ZNF541: variants seen among roughly 807,000 people sequenced by gnomAD.
ZNF541 encodes the protein zinc finger protein 541.
A neutral mutation model predicts 123.5 loss-of-function variants in ZNF541; 23 were observed. That is an observed-to-expected ratio of 0.19 (90% CI 0.13 to 0.26). The LOEUF (loss-of-function observed/expected upper bound fraction) is 0.26. Ranked by LOEUF, ZNF541 falls within the 10% of genes least tolerant of loss-of-function variation. ZNF541 has a pLI of 1.00. For missense variants in ZNF541, 1,612 were observed against 1,789.9 expected (o/e 0.90, Z 1.79); for synonymous variants, 751 against 754.5 (o/e 1.00, Z 0.08).
chr19:47,569,898 A>G (rs1393357790), intron 2 of ZNF541, among the ~76,000 whole-genome samples: 1 of 151,604 alleles, frequency 6.6e-6, no homozygotes, highest in African/African-American at 2.4e-5. Context: ...AGGAGAAAAG[A>G]AAAGAGCAAA....
At chr19:47,523,368 AG>A (rs1969137766) in intron 14 of ZNF541, among the ~76,000 whole-genome samples, 1 of 151,048 alleles carries the variant, frequency 6.6e-6, no homozygotes, top group African/African-American at 2.4e-5. Flanking sequence ...AAAAAGGAAA[AG>A]TTTAATTGCT....
intron 3 of ZNF541, among the ~76,000 whole-genome samples, 162 bp from the exon 4 acceptor site, chr19:47,549,647 G>A (rs764301991): frequency 5.3e-5 from 8 of 152,142 alleles, no homozygotes; most frequent in Non-Finnish European, 1.2e-4. Context: ...CAGGTGAGGG[G>A]AACAGAAGCC....
At chr19:47,542,203 G>A (rs1302671432) in intron 5 of ZNF541, among the ~76,000 whole-genome samples, 1 of 152,194 alleles carries the variant, frequency 6.6e-6, no homozygotes, top group Non-Finnish European at 1.5e-5. Context: ...ACAGAAAGGA[G>A]ACTCGTGGCT....
At chr19:47,551,274 A>C (rs1330389084) in intron 3 of ZNF541, among the ~76,000 whole-genome samples, 1 of 152,070 alleles carries the variant, frequency 6.6e-6, no homozygotes, top group African/African-American at 2.4e-5. Context: ...TTCTGGCCTC[A>C]GGTGATCCAC....
rs1215371441 is a variant in ZNF541 at position 47,544,474 on chromosome 19, C to G, written c.2055G>C (p.Gly685=). 8 of 1,551,576 alleles carry G rather than the reference C, an allele frequency of 5.2e-6. No individual in the cohort carries two copies. Among genetic ancestry groups the G allele is most frequent in the Admixed American group, 2.0e-5 (1 of 50,980 alleles). The change falls in exon 5 of 17, where the codon GGG becomes GGC. Residue 685 remains glycine, a synonymous_variant. Transcript: ENST00000391901. ...GGAAGATGTCCTCCAGGTCCAAGGTCCCTTTAGAGGATCGCAGCTGCTTGG... is the reference window on the plus strand; with the variant it reads ...GGAAGATGTCCTCCAGGTCCAAGGTGCCTTTAGAGGATCGCAGCTGCTTGG... The part of the protein sequence containing the change: ...SLAKQLRSSK[G]TLDLEDIFPS...
chr19:47,550,424 A>G (rs919443836), intron 3 of ZNF541, among the ~76,000 whole-genome samples: 2 of 151,628 alleles, frequency 1.3e-5, no homozygotes, highest in African/African-American at 4.9e-5. Flanking sequence ...AAAGAAAAAG[A>G]AAAAGAAAGG....
intron 2 of ZNF541, among the ~76,000 whole-genome samples, chr19:47,556,714 C>T (rs1341654846): frequency 2.0e-5 from 3 of 150,710 alleles, no homozygotes; most frequent in African/African-American, 7.3e-5. Context: ...CAATTTAATA[C>T]GTTTCTATAT....
At chr19:47,527,304 A>G (rs1969343656) in intron 14 of ZNF541, among the ~76,000 whole-genome samples, 1 of 152,186 alleles carries the variant, frequency 6.6e-6, no homozygotes, top group Non-Finnish European at 1.5e-5. Context: ...AAATCTTATT[A>G]TACTGCAATT....
At chr19:47,542,830 C>T (rs1970140053) in intron 5 of ZNF541, among the ~76,000 whole-genome samples, 1 of 152,062 alleles carries the variant, frequency 6.6e-6, no homozygotes, top group Non-Finnish European at 1.5e-5. Flanking sequence ...CCTGTAATCC[C>T]AGCTACTCGG....
chr19:47,532,697 T>TG (rs1292820816), intron 10 of ZNF541, among the ~76,000 whole-genome samples: 2 of 152,030 alleles, frequency 1.3e-5, no homozygotes, highest in African/African-American at 4.8e-5. Flanking sequence ...AGGAATAATT[T>TG]GGGGGGATTT....
chr19:47,548,464 A>C (rs1270849029), intron 4 of ZNF541, among the ~76,000 whole-genome samples: 4 of 151,138 alleles, frequency 2.6e-5, no homozygotes. Flanking sequence ...AAAAAAAAGA[A>C]AAAAAAAGAA....
intron 2 of ZNF541, among the ~76,000 whole-genome samples, chr19:47,567,539 C>G (rs183843444): frequency 4.6e-5 from 7 of 152,360 alleles, no homozygotes; most frequent in African/African-American, 1.4e-4. Flanking sequence ...GGATTACAGG[C>G]GTGCGCCACC....
chr19:47,562,019 C>T (rs939340678), intron 2 of ZNF541, among the ~76,000 whole-genome samples: 17 of 152,060 alleles, frequency 1.1e-4, no homozygotes, highest in African/African-American at 1.7e-4. Flanking sequence ...GAGGCCGAGG[C>T]GGGTGGATCA....
intron 14 of ZNF541, among the ~76,000 whole-genome samples, chr19:47,528,148 C>T (rs1325066881): frequency 1.4e-5 from 2 of 144,934 alleles, no homozygotes; most frequent in African/African-American, 2.5e-5. Flanking sequence ...AACCCCATCT[C>T]TACTAAAAAA....
chr19:47,550,292 AGGAG>A (rs1422671083), intron 3 of ZNF541, among the ~76,000 whole-genome samples: 2 of 150,586 alleles, frequency 1.3e-5, no homozygotes, highest in East Asian at 1.9e-4. Flanking sequence ...GAAGGAAGGA[AGGAG>A]GAAGGAAGGA....
intron 9 of ZNF541, among the ~76,000 whole-genome samples, chr19:47,533,276 C>T (rs1048667193): frequency 3.6e-5 from 5 of 137,988 alleles, no homozygotes; most frequent in Non-Finnish European, 6.1e-5. Context: ...AGAAGAATGG[C>T]GTGAACCCAG....
chr19:47,540,934 C>G lies in ZNF541; in HGVS notation c.2421G>C (p.Arg807Ser). ...FSRIQGGNIY[R>S]LPHPVKEENV... ...TCTCTTCCTTCACCGGATGGGGGAG[C>G]CTGTAGATGTTTCCACCCTGAAGAT... Residue 807 changes from arginine (R) to serine (S), a missense_variant, in exon 6 of 17, where the codon AGG (arginine) becomes AGC (serine). Transcript: ENST00000391901. 1 of 1,550,938 alleles carries G rather than the reference C, an allele frequency of 6.4e-7. No homozygotes were observed. Among genetic ancestry groups the G allele is most frequent in the Non-Finnish European group, 8.7e-7 (1 of 1,146,766 alleles).
At chr19:47,532,322 G>C (rs1219172014) in intron 10 of ZNF541, 52 bp from the exon 11 acceptor site, 4 of 1,540,724 alleles carry the variant, frequency 2.6e-6, no homozygotes, top group Admixed American at 2.0e-5. Flanking sequence ...TGACTGAGAT[G>C]GGAAGTGAAA....
intron 14 of ZNF541, among the ~76,000 whole-genome samples, chr19:47,525,286 CAAA>C (rs981673143): frequency 8.0e-6 from 1 of 125,008 alleles, no homozygotes; most frequent in Non-Finnish European, 1.7e-5. Context: ...ACTCTGTCTC[CAAA>C]AAAAAAAAAA....
Sources: gnomAD v4.1 joint callset for allele counts (sites outside exome capture counted in the v4.1 genomes callset) on GRCh38, gnomAD v4.1.1 for gene constraint, MANE v1.5 for transcripts, NCBI Gene and HGNC (gene_info 2026-07-23, HGNC 2026-07-21) for gene names.